The following ADARB2 variants were observed in gnomAD, a reference collection of about 807,000 sequenced individuals.
The protein encoded by ADARB2 is inactive double-stranded RNA-specific editase B2.
Under a neutral mutation model 62.2 loss-of-function variants are expected in ADARB2, and 25 were observed. The observed-to-expected ratio is 0.40, with a 90% CI of 0.29 to 0.56. ADARB2 has a LOEUF of 0.56. ADARB2 is among the 20% of genes least tolerant of loss of function. ADARB2 has a pLI of 0.43. For synonymous variants in ADARB2, 572 were observed against 500.8 expected (o/e 1.14, Z -1.90); for missense variants, 1,071 against 1,077.4 (o/e 0.99, Z 0.08).
intron 3 of ADARB2, among the ~76,000 whole-genome samples, chr10:1,344,192 C>G (rs190150789): frequency 1.6e-4 from 24 of 152,272 alleles, no homozygotes; most frequent in Admixed American, 3.3e-4. Flanking sequence ...GTCAATGTTT[C>G]TAAAATTCTA....
At chr10:1,690,201 C>T (rs1177661849) in intron 1 of ADARB2, among the ~76,000 whole-genome samples, 1 of 152,218 alleles carries the variant, frequency 6.6e-6, no homozygotes, top group Non-Finnish European at 1.5e-5. Context: ...CAGCTTGTTT[C>T]TCAGCTCGTA....
At chr10:1,513,096 C>G (rs1253541350) in intron 1 of ADARB2, among the ~76,000 whole-genome samples, 1 of 152,198 alleles carries the variant, frequency 6.6e-6, no homozygotes, top group Non-Finnish European at 1.5e-5. Context: ...TGAATGGTAA[C>G]TTTGGAAGGT....
chr10:1,242,664 C>T (rs981599651), intron 4 of ADARB2, among the ~76,000 whole-genome samples: 4 of 152,204 alleles, frequency 2.6e-5, no homozygotes, highest in Non-Finnish European at 4.4e-5. Flanking sequence ...GTGCTAGCTG[C>T]GGCCTGGGCT....
intron 1 of ADARB2, among the ~76,000 whole-genome samples, chr10:1,478,761 T>TAAGGACCCTTGGAC (rs1564302324): frequency 7.0e-6 from 1 of 142,272 alleles, no homozygotes; most frequent in East Asian, 2.1e-4. Context: ...GACCCTCGGA[T>TAAGGACCCTTGGAC]GGGAGAGCGC....
intron 2 of ADARB2, among the ~76,000 whole-genome samples, chr10:1,373,099 C>A (rs1009297524): frequency 6.6e-6 from 1 of 152,166 alleles, no homozygotes; most frequent in Non-Finnish European, 1.5e-5. Context: ...ATCCCTCTGT[C>A]AAATTGCCAG....
At chr10:1,266,518 G>A (rs1457467372) in intron 4 of ADARB2, among the ~76,000 whole-genome samples, 1 of 150,800 alleles carries the variant, frequency 6.6e-6, no homozygotes, top group Admixed American at 6.6e-5. Context: ...GGGTGGGGGG[G>A]GGGCCGTGCC....
chr10:1,222,140 C>T (rs1327788343), intron 6 of ADARB2, among the ~76,000 whole-genome samples: 7 of 152,118 alleles, frequency 4.6e-5, no homozygotes, highest in African/African-American at 7.2e-5. Context: ...CTCATTGTGG[C>T]TTTGATTTGC....
intron 3 of ADARB2, among the ~76,000 whole-genome samples, chr10:1,277,335 A>T (rs890005154): frequency 6.6e-6 from 1 of 152,206 alleles, no homozygotes; most frequent in African/African-American, 2.4e-5. Context: ...TTTTGAAAGG[A>T]TCAACAAAAT....
At chr10:1,352,436 C>T (rs1449941763) in intron 3 of ADARB2, among the ~76,000 whole-genome samples, 2 of 152,186 alleles carry the variant, frequency 1.3e-5, no homozygotes, top group African/African-American at 4.8e-5. Flanking sequence ...CCTAGCTCTC[C>T]CTGACTCATC....
chr10:1,489,052 C>T (rs1831587884), intron 1 of ADARB2, among the ~76,000 whole-genome samples: 1 of 152,242 alleles, frequency 6.6e-6, no homozygotes, highest in Non-Finnish European at 1.5e-5. Flanking sequence ...CGACTGCGCA[C>T]CTCGGATCAG....
At chr10:1,621,985 A>G (rs1265329151) in intron 1 of ADARB2, among the ~76,000 whole-genome samples, 1 of 152,240 alleles carries the variant, frequency 6.6e-6, no homozygotes, top group Non-Finnish European at 1.5e-5. Flanking sequence ...TTCAAAATTT[A>G]CTACCAAGGT....
At chr10:1,498,904 CTCATCACTCAACACTCAT>C (rs1831726608) in intron 1 of ADARB2, among the ~76,000 whole-genome samples, 1 of 152,072 alleles carries the variant, frequency 6.6e-6, no homozygotes. Flanking sequence ...TCAACACTCA[CTCATCACTCAACACTCAT>C]TCATCATTCA....
intron 3 of ADARB2, among the ~76,000 whole-genome samples, chr10:1,349,896 T>G (rs1465617773): frequency 2.0e-5 from 3 of 152,082 alleles, no homozygotes; most frequent in Non-Finnish European, 4.4e-5. Context: ...GCAGGTCAAT[T>G]GTGGGGACGC....
chr10:1,730,245 G>T (rs1252705919), intron 1 of ADARB2, among the ~76,000 whole-genome samples: 2 of 152,206 alleles, frequency 1.3e-5, no homozygotes, highest in Non-Finnish European at 1.5e-5. Context: ...AAGACGTGCA[G>T]TGATGAACGT....
intron 4 of ADARB2, among the ~76,000 whole-genome samples, chr10:1,245,813 T>C (rs949560598): frequency 6.6e-6 from 1 of 152,038 alleles, no homozygotes; most frequent in Non-Finnish European, 1.5e-5. Context: ...TGCATGTGTC[T>C]TTATAGCAGC....
intron 1 of ADARB2, among the ~76,000 whole-genome samples, chr10:1,655,002 C>T (rs974151099): frequency 3.3e-5 from 5 of 152,212 alleles, no homozygotes; most frequent in African/African-American, 9.7e-5. Context: ...AGCAGGCAGG[C>T]GTGAGGGTGA....
chr10:1,569,221 A>G (rs1393626020), intron 1 of ADARB2, among the ~76,000 whole-genome samples: 1 of 152,100 alleles, frequency 6.6e-6, no homozygotes, highest in East Asian at 1.9e-4. Flanking sequence ...AGAGAGAGAC[A>G]GTGACCAAAA....
intron 1 of ADARB2, among the ~76,000 whole-genome samples, chr10:1,668,855 C>T (rs901417054): frequency 3.3e-5 from 5 of 152,248 alleles, no homozygotes; most frequent in African/African-American, 1.2e-4. Flanking sequence ...CAGGCTGCTT[C>T]TGTTACATCC....
At chr10:1,653,990 C>G (rs1412506755) in intron 1 of ADARB2, among the ~76,000 whole-genome samples, 3 of 152,050 alleles carry the variant, frequency 2.0e-5, no homozygotes, top group African/African-American at 7.2e-5. Flanking sequence ...GGGAGATGCC[C>G]CACAGCTGCC....
Sources: gnomAD v4.1 joint callset for allele counts (sites outside exome capture counted in the v4.1 genomes callset) on GRCh38, gnomAD v4.1.1 for gene constraint, MANE v1.5 for transcripts, NCBI Gene and HGNC (gene_info 2026-07-23, HGNC 2026-07-21) for gene names.